The following CCDC14 variants were observed in gnomAD, a reference collection of about 807,000 sequenced individuals.
The protein encoded by CCDC14 is coiled-coil domain-containing protein 14.
A neutral mutation model predicts 81.4 loss-of-function variants in CCDC14; 71 were observed. The ratio of observed to expected loss-of-function variants is 0.87; its 90% confidence interval spans 0.72 to 1.06. The LOEUF is 1.06. CCDC14 is among the 50% of genes least tolerant of loss of function. The pLI is 0.00. For synonymous variants in CCDC14, 332 were observed against 364.8 expected (o/e 0.91, Z 1.03); for missense variants, 1,046 against 1,047.3 (o/e 1.00, Z 0.02).
At chr3:123,923,901 AT>A (rs747544519) in intron 12 of CCDC14, among the ~76,000 whole-genome samples, 2 of 151,640 alleles carry the variant, frequency 1.3e-5, no homozygotes, top group Non-Finnish European at 1.5e-5. Context: ...CAGAATTCCT[AT>A]CAAAATTCCA....
the CCDC14 span, among the ~76,000 whole-genome samples, chr3:123,886,564 AT>A: frequency 3.6e-4 from 55 of 151,878 alleles, no homozygotes; most frequent in Non-Finnish European, 7.2e-4. Flanking sequence ...CACCCAGCTA[AT>A]TTTTGTATTT....
downstream of CCDC14, among the ~76,000 whole-genome samples, chr3:123,911,939 C>A (rs1412097706): frequency 6.6e-6 from 1 of 152,142 alleles, no homozygotes; most frequent in African/African-American, 2.4e-5. Flanking sequence ...GAAAGATTTA[C>A]TAAACTCCAG....
At chr3:123,886,360 TTTTC>T in the CCDC14 span, among the ~76,000 whole-genome samples, 4 of 137,694 alleles carry the variant, frequency 2.9e-5, no homozygotes, top group African/African-American at 5.1e-5. Context: ...TTCTTTCTTT[TTTTC>T]TTTCTTTCTT....
At chr3:123,951,474 C>A (rs2037019330) in intron 5 of CCDC14, among the ~76,000 whole-genome samples, 2 of 152,176 alleles carry the variant, frequency 1.3e-5, no homozygotes, top group African/African-American at 4.8e-5. Context: ...ACCAGAAATA[C>A]AATTTTATAA....
rs1020151704 is a variant in CCDC14, at chr3:123,922,238, G to A, written c.1779-6520C>T. On this transcript the variant is annotated intron_variant, in intron 12 of 12. Transcript: ENST00000409697. The stretch of plus-strand genomic sequence containing the variant: ...ATGCAGCAAAAGCAATTCTAAGAGG[G>A]AAATTTATAGCAATAAACATATATC... Among the ~76,000 whole-genome samples, 12 of 152,172 alleles carry A rather than the reference G, an allele frequency of 7.9e-5. No homozygotes were observed. In the East Asian group the frequency reaches 1.3e-3, roughly 17 times the overall value.
chr3:123,896,465 C>T (rs558953919), downstream of CCDC14, among the ~76,000 whole-genome samples: 3 of 152,222 alleles, frequency 2.0e-5, no homozygotes, highest in East Asian at 5.8e-4. Flanking sequence ...ATTATTCAAC[C>T]TCAAAAAGAA....
downstream of CCDC14, among the ~76,000 whole-genome samples, chr3:123,910,249 C>T (rs2034413084): frequency 6.6e-6 from 1 of 152,148 alleles, no homozygotes; most frequent in South Asian, 2.1e-4. Flanking sequence ...ATATGATCTG[C>T]AGCGTGATGG....
At chr3:123,904,703 A>G (rs2034266217) in intron 5 of CCDC14, among the ~76,000 whole-genome samples, 1 of 152,162 alleles carries the variant, frequency 6.6e-6, no homozygotes, top group Admixed American at 6.5e-5. Context: ...AAGTTTAACA[A>G]GATTTTTATG....
At chr3:123,897,632 C>T in intron 5 of CCDC14, 1 of 1,107,452 alleles carries the variant, frequency 9.0e-7, no homozygotes, top group Non-Finnish European at 1.2e-6. Flanking sequence ...ATAGAAATGA[C>T]AACATAAATA....
At chr3:123,923,732 A>AATATAT (rs2035186353) in intron 12 of CCDC14, among the ~76,000 whole-genome samples, 1 of 150,928 alleles carries the variant, frequency 6.6e-6, no homozygotes, top group African/African-American at 2.4e-5. Context: ...GTATTTACTA[A>AATATAT]ATATATACAT....
intron 12 of CCDC14, among the ~76,000 whole-genome samples, chr3:123,924,936 T>C (rs1429166365): frequency 3.6e-5 from 5 of 140,734 alleles, no homozygotes; most frequent in African/African-American, 8.3e-5. Flanking sequence ...TACACACACA[T>C]ATATATGTAT....
At chr3:123,924,922 T>C (rs997751449) in intron 12 of CCDC14, among the ~76,000 whole-genome samples, 2 of 149,650 alleles carry the variant, frequency 1.3e-5, no homozygotes, top group African/African-American at 2.5e-5. Context: ...CATATATATA[T>C]ATATACACAC....
chr3:123,895,235 C>T (rs1012376163), downstream of CCDC14, among the ~76,000 whole-genome samples: 6 of 152,136 alleles, frequency 3.9e-5, no homozygotes, highest in East Asian at 1.9e-4. Context: ...TATGCACATC[C>T]GCTGCACTTC....
intron 5 of CCDC14, among the ~76,000 whole-genome samples, chr3:123,951,847 A>T (rs2148943232): frequency 6.6e-6 from 1 of 152,354 alleles, no homozygotes; most frequent in East Asian, 1.9e-4. Flanking sequence ...AACTAAAATG[A>T]CATATTCTGC....
At chr3:123,893,161 G>T (rs2034013641), downstream of CCDC14, among the ~76,000 whole-genome samples, 1 of 152,088 alleles carries the variant, frequency 6.6e-6, no homozygotes, top group Non-Finnish European at 1.5e-5. Flanking sequence ...TCACCATATT[G>T]TGTAACTATC....
downstream of CCDC14, among the ~76,000 whole-genome samples, chr3:123,912,438 AT>A (rs111415693): frequency 1.0e-3 from 152 of 152,300 alleles, no homozygotes; most frequent in African/African-American, 3.4e-3. Flanking sequence ...TTGACTTTTC[AT>A]TTTAGACATC....
At chr3:123,921,673 C>T (rs1051544955) in intron 12 of CCDC14, among the ~76,000 whole-genome samples, 4 of 152,114 alleles carry the variant, frequency 2.6e-5, no homozygotes, top group African/African-American at 9.7e-5. Context: ...TTTTGGCCTC[C>T]CTGGGCCACA....
downstream of CCDC14, among the ~76,000 whole-genome samples, chr3:123,912,069 T>C (rs1376706382): frequency 6.6e-6 from 1 of 152,186 alleles, no homozygotes; most frequent in East Asian, 1.9e-4. Context: ...TTCAATGGTG[T>C]TCACAACTAC....
At chr3:123,913,262 A>C (rs1243056975), downstream of CCDC14, among the ~76,000 whole-genome samples, 9 of 152,196 alleles carry the variant, frequency 5.9e-5, no homozygotes. Context: ...TCAAATTATT[A>C]GCCACTAATT....
Sources: allele counts gnomAD v4.1 joint callset (sites outside exome capture counted in the v4.1 genomes callset), GRCh38; gene constraint gnomAD v4.1.1; transcripts MANE v1.5; gene names NCBI Gene and HGNC (gene_info 2026-07-23, HGNC 2026-07-21).